Variants in ARHGAP11B observed in about 807,000 individuals in gnomAD.
ARHGAP11B encodes the protein Rho GTPase activating protein 11B.
A neutral mutation model predicts 27.6 loss-of-function variants in ARHGAP11B; 14 were observed. The observed-to-expected ratio is 0.51, with a 90% CI of 0.34 to 0.79. ARHGAP11B has a LOEUF of 0.79. Ranked by LOEUF, ARHGAP11B falls within the 30% of genes least tolerant of loss-of-function variation. The probability of loss-of-function intolerance (pLI) is 0.02; values close to 1 mark genes in which losing one functional copy is unlikely to be tolerated. For missense variants in ARHGAP11B, 245 were observed against 320.1 expected (o/e 0.77, Z 1.79); for synonymous variants, 82 against 114.1 (o/e 0.72, Z 1.80).
exon 5 of ARHGAP11B, chr15:30,635,184 A>G: frequency 6.2e-7 from 1 of 1,613,216 alleles, no homozygotes; most frequent in Non-Finnish European, 8.5e-7. Flanking sequence ...AACGCAGAAA[A>G]GAAGGTACGA....
intron 7 of ARHGAP11B, among the ~76,000 whole-genome samples, chr15:30,641,981 A>G (rs2060318681): frequency 6.6e-6 from 1 of 151,988 alleles, no homozygotes; most frequent in Non-Finnish European, 1.5e-5. Flanking sequence ...CTCCCAAAAT[A>G]CTGGGATTAC....
At chr15:30,635,108 A>C in exon 5 of ARHGAP11B, 1 of 1,613,562 alleles carries the variant, frequency 6.2e-7, no homozygotes, top group Non-Finnish European at 8.5e-7. Flanking sequence ...GGATAGCAGC[A>C]ATCTTGCAGT....
chr15:30,647,531 T>C (rs11854633), intron 9 of ARHGAP11B: 40,837 of 163,940 alleles, frequency 0.25, 5,521 homozygotes, highest in Middle Eastern at 0.36. Flanking sequence ...TGTAATTTAG[T>C]AAATATCATT....
intron 1 of ARHGAP11B, among the ~76,000 whole-genome samples, chr15:30,628,757 T>C (rs1025849591): frequency 6.6e-6 from 1 of 152,256 alleles, no homozygotes; most frequent in East Asian, 1.9e-4. Flanking sequence ...GGATAGTTTG[T>C]TTGAAAACAA....
exon 11 of ARHGAP11B, chr15:30,649,081 C>T (rs1418755576): frequency 6.6e-6 from 1 of 152,044 alleles, no homozygotes; most frequent in Non-Finnish European, 1.5e-5. Context: ...TTTCCAAGTA[C>T]AGTCATCCCT....
intron 8 of ARHGAP11B, among the ~76,000 whole-genome samples, chr15:30,645,550 T>C (rs934370511): frequency 6.6e-6 from 1 of 152,038 alleles, no homozygotes; most frequent in South Asian, 2.1e-4. Flanking sequence ...TTTAGGAAAT[T>C]ATATTTACAA....
At chr15:30,631,695 AT>A (rs373424781) in intron 2 of ARHGAP11B, among the ~76,000 whole-genome samples, 220 of 152,336 alleles carry the variant, frequency 1.4e-3, no homozygotes, top group Non-Finnish European at 2.5e-3. Context: ...ATAAAAGAAT[AT>A]TTAAGCTAAG....
chr15:30,629,376 C>G (rs1281886270), intron 1 of ARHGAP11B, among the ~76,000 whole-genome samples: 1 of 151,926 alleles, frequency 6.6e-6, no homozygotes, highest in East Asian at 1.9e-4. Context: ...CCCCCCCCGC[C>G]CCACGTCTCT....
At chr15:30,633,221 C>G (rs914842397) in intron 2 of ARHGAP11B, among the ~76,000 whole-genome samples, 1 of 151,204 alleles carries the variant, frequency 6.6e-6, no homozygotes, top group African/African-American at 2.4e-5. Flanking sequence ...ACAAGTCTTA[C>G]GCTCTGAAGG....
chr15:30,629,953 G>A (rs749358370), intron 1 of ARHGAP11B, among the ~76,000 whole-genome samples: 8 of 152,062 alleles, frequency 5.3e-5, no homozygotes, highest in Admixed American at 1.3e-4. Context: ...TCGAATGCAC[G>A]CACAAAGATA....
At chr15:30,645,492 A>G (rs916088964) in intron 8 of ARHGAP11B, among the ~76,000 whole-genome samples, 7 of 152,032 alleles carry the variant, frequency 4.6e-5, no homozygotes, top group African/African-American at 1.7e-4. Context: ...ATGCAAACCT[A>G]GAGAATTATT....
chr15:30,648,499 C>T (rs1335362610), exon 11 of ARHGAP11B, among the ~76,000 whole-genome samples: 1 of 151,900 alleles, frequency 6.6e-6, no homozygotes, highest in Non-Finnish European at 1.5e-5. Context: ...TGTTCTGGGC[C>T]AATTACTTTA....
intron 7 of ARHGAP11B, chr15:30,644,486 A>T: frequency 2.1e-6 from 1 of 486,098 alleles, no homozygotes; most frequent in South Asian, 3.3e-5. Context: ...GTATGTTTTA[A>T]TCTGAAAAGG....
chr15:30,642,259 T>C (rs4779485), intron 7 of ARHGAP11B, among the ~76,000 whole-genome samples: 28,674 of 151,270 alleles, frequency 0.19, 3,841 homozygotes, highest in Non-Finnish European at 0.28. Flanking sequence ...GTGTCCTGGG[T>C]GTGATTCAAA....
Position 30,626,685 on chromosome 15 carries a change from G to A in ARHGAP11B, c.-136G>A, listed in dbSNP as rs896904544. ...AGCCGTGGAAGTGGCCGGGGGTCGGGGCCGCAGAAGTGCCAGACGGGGCCG... is the reference window on the plus strand; with the variant it reads ...AGCCGTGGAAGTGGCCGGGGGTCGGAGCCGCAGAAGTGCCAGACGGGGCCG... On this transcript the variant is annotated 5_prime_UTR_variant, in exon 1 of 11. Transcript: ENST00000428041. 4 of 1,319,576 alleles carry A rather than the reference G, an allele frequency of 3.0e-6. No homozygotes were observed. In the Admixed American group the frequency reaches 8.3e-5, roughly 27 times the overall value. 81.7% of individuals were successfully genotyped at this position (1,319,576 alleles called of 1,614,324 possible).
At chr15:30,638,627 T>G in intron 6 of ARHGAP11B, 119 bp from the exon 7 acceptor site, 1 of 535,476 alleles carries the variant, frequency 1.9e-6, no homozygotes, top group Non-Finnish European at 3.2e-6. Flanking sequence ...CTTAAATAAC[T>G]TAAAATTTAT....
intron 2 of ARHGAP11B, among the ~76,000 whole-genome samples, chr15:30,631,787 C>CTTTTTTTTTTTTTT (rs765025486): frequency 1.4e-5 from 2 of 139,676 alleles, no homozygotes; most frequent in Non-Finnish European, 1.6e-5. Flanking sequence ...ACCTTTTGTT[C>CTTTTTTTTTTTTTT]TTTTTTTTTT....
At chr15:30,644,554 A>AT (rs1464276353) in intron 7 of ARHGAP11B, 9 of 758,418 alleles carry the variant, frequency 1.2e-5, no homozygotes, top group Non-Finnish European at 1.5e-5. Flanking sequence ...GTCCTCATTG[A>AT]TTTATTATCT....
At chr15:30,644,012 C>T (rs936695417) in intron 7 of ARHGAP11B, among the ~76,000 whole-genome samples, 12 of 151,920 alleles carry the variant, frequency 7.9e-5, no homozygotes, top group African/African-American at 1.5e-4. Flanking sequence ...TCTGATATAA[C>T]CATAAAGTTC....
Sources: allele counts gnomAD v4.1 joint callset (sites outside exome capture counted in the v4.1 genomes callset), GRCh38; gene constraint gnomAD v4.1.1; transcripts MANE v1.5; gene names NCBI Gene and HGNC (gene_info 2026-07-23, HGNC 2026-07-21).